EPHA8: variants seen among roughly 807,000 people sequenced by gnomAD.
EPHA8 encodes ephrin type-A receptor 8.
Under a neutral mutation model 103.6 loss-of-function variants are expected in EPHA8, and 58 were observed. That is an observed-to-expected ratio of 0.56 (90% CI 0.45 to 0.70). The LOEUF is 0.70. Among genes scored for constraint, EPHA8 ranks in the 30% least tolerant of loss-of-function variants. EPHA8 has a pLI of 0.00. For synonymous variants in EPHA8, 559 were observed against 572.5 expected (o/e 0.98, Z 0.34); for missense variants, 1,304 against 1,395.2 (o/e 0.93, Z 1.04).
rs201214107 is a variant in EPHA8, at chr1:22,569,329, C to T, written c.135C>T (p.Gly45=). 1.9e-6 allele frequency: 3 copies of T among 1,605,438 alleles called. No individual in the cohort carries two copies. Among genetic ancestry groups the T allele is most frequent in the Non-Finnish European group, 1.7e-6 (2 of 1,176,106 alleles). ...CGTCGACCATCCACGGGGACTGGGG[C>T]TGGCTCACGTATCCGGCTCATGGGG... is the stretch of plus-strand genomic sequence containing the variant. ...LDTSTIHGDW[G]WLTYPAHGWD... The change falls in exon 2 of 17, where the codon GGC becomes GGT. Residue 45 remains glycine (G), a synonymous_variant. Transcript: ENST00000166244. This position sits in a 1 kb window ranked among gnomAD's most constrained non-coding sequence, Gnocchi z 4.5.
Position 22,597,562 on chromosome 1 carries a change from G to C in EPHA8, c.1930+86G>C. ...AAGGTGGGGGCACCCAGGGCAGAGG[G>C]AGCGTGTGACCCAGGGGTCTGGCAA... is the stretch of plus-strand genomic sequence containing the variant. On this transcript the variant is annotated intron_variant, in intron 10 of 16. Transcript: ENST00000166244. This position sits in a 1 kb window ranked among gnomAD's most constrained non-coding sequence, Gnocchi z 4.6. The C allele has an allele frequency of 6.4e-7, 1 of 1,566,368 alleles. No individual in the cohort carries two copies.
At chr1:22,579,148 T>C (rs568372316) in intron 3 of EPHA8, among the ~76,000 whole-genome samples, 1 of 151,346 alleles carries the variant, frequency 6.6e-6, no homozygotes, top group South Asian at 2.1e-4. Context: ...TGTGCATATG[T>C]GCAAGAGTGT....
chr1:22,601,596 C>A (rs751884654), intron 16 of EPHA8, 31 bp from the exon 17 acceptor site: 1 of 1,581,140 alleles, frequency 6.3e-7, no homozygotes, highest in Middle Eastern at 1.7e-4. Flanking sequence ...CCTCCCAGGC[C>A]CAGCTGGCCA....
intron 3 of EPHA8, among the ~76,000 whole-genome samples, chr1:22,581,596 C>T (rs894683532): frequency 5.9e-5 from 9 of 152,176 alleles, no homozygotes; most frequent in Non-Finnish European, 8.8e-5. Flanking sequence ...TGAGTGGAAA[C>T]CCCAGGGCCT....
At chr1:22,578,791 ATGTGTGCG>A (rs1369462637) in intron 3 of EPHA8, among the ~76,000 whole-genome samples, 3 of 146,960 alleles carry the variant, frequency 2.0e-5, no homozygotes, top group Non-Finnish European at 1.5e-5. Flanking sequence ...GGGCATATGT[ATGTGTGCG>A]TGTGTGCATG....
rs764600240 is a variant in EPHA8 at position 22,580,127 on chromosome 1, CTTTTTTTTTTTTTT to C, written c.823+3261_823+3274del. 9.2e-5 allele frequency among the ~76,000 whole-genome samples: 9 copies of C among 97,428 alleles called. No individual in the cohort carries two copies. The East Asian group carries it at 1.0e-3, about 11-fold the overall frequency. 63.9% of individuals were successfully genotyped at this position (97,428 alleles called of 152,430 possible). A position where few individuals can be genotyped will look rare whatever the true frequency, so the allele number is the denominator to read the frequency against. On this transcript the variant is annotated intron_variant, in intron 3 of 16. Transcript: ENST00000166244. ...AGGCTCTCTGGTTTTCTTTCTTTCT[CTTTTTTTTTTTTTT>C]TTTTTTTTTTTTTGGAGACGGAGTT...
chr1:22,592,084 C>T (rs978075794), intron 5 of EPHA8, among the ~76,000 whole-genome samples: 1 of 152,124 alleles, frequency 6.6e-6, no homozygotes, highest in East Asian at 1.9e-4. Context: ...GAGGATCAAG[C>T]GACAGCTCTA....
In EPHA8 at chr1:22,602,978, A is replaced by G. The variant is rs1641782192; in HGVS notation, c.*1237A>G. ...TTACGGCCCACCAGGGTATGTAAAT[A>G]TCTCTTTTCTACCATGTCAGAATAT... On this transcript the variant is annotated 3_prime_UTR_variant, in exon 17 of 17. Coordinates refer to ENST00000166244, the MANE Select transcript of EPHA8 (RefSeq NM_020526.5). The G allele has an allele frequency of 6.6e-6, 1 of 152,452 alleles. No individual in the cohort carries two copies. Among genetic ancestry groups the G allele is most frequent in the Non-Finnish European group, 1.5e-5 (1 of 68,018 alleles). 9.4% of individuals were successfully genotyped at this position (152,452 alleles called of 1,614,324 possible).
chr1:22,586,533 T>A lies in EPHA8; in HGVS notation c.877T>A (p.Cys293Ser). The change falls in exon 4 of 17, where the codon TGC becomes AGC. Residue 293 changes from cysteine (C) to serine (S), a missense_variant. Physicochemically the swap from Cys to Ser is moderately radical, Grantham distance 112 (BLOSUM62 -1). Transcript: ENST00000166244. Reference sequence around the variant, plus strand: ...CCCTGGGGACCAGCTGTGTGCCCGCTGCCCTCCCCACAGCCACTCCGCAGC... The same window carrying A: ...CCCTGGGGACCAGCTGTGTGCCCGCAGCCCTCCCCACAGCCACTCCGCAGC... ...SAPGDQLCAR[C>S]PPHSHSAAPA... 6.2e-7 allele frequency: 1 copy of A among 1,613,716 alleles called. No individual in the cohort carries two copies. The highest frequency in any genetic ancestry group is 1.1e-5 in the South Asian group (1 of 91,048).
In EPHA8 at chr1:22,589,296, G is replaced by A. The variant is rs1183911524; in HGVS notation, c.1315+90G>A. The stretch of plus-strand genomic sequence containing the variant: ...CAGGGATCAGAGCTCTGCCGGGGAC[G>A]TGCTGTGGGCCTTTAGGCAAGTGCC... On this transcript the variant is annotated intron_variant, in intron 5 of 16. Coordinates refer to ENST00000166244, the MANE Select transcript of EPHA8 (RefSeq NM_020526.5). The surrounding 1 kb of genome is among the most constrained non-coding windows in gnomAD (Gnocchi z 4.3). 11 of 1,612,838 alleles carry A rather than the reference G, an allele frequency of 6.8e-6. No individual in the cohort carries two copies. Among genetic ancestry groups the A allele is most frequent in the East Asian group, 4.5e-5 (2 of 44,880 alleles).
intron 5 of EPHA8, among the ~76,000 whole-genome samples, chr1:22,590,863 C>G (rs1035863908): frequency 2.6e-5 from 4 of 152,140 alleles, no homozygotes; most frequent in African/African-American, 9.7e-5. Context: ...AACAAACAAC[C>G]CTGCCACACC....
intron 3 of EPHA8, among the ~76,000 whole-genome samples, chr1:22,579,040 T>C (rs1282163680): frequency 6.9e-6 from 1 of 144,798 alleles, no homozygotes; most frequent in Non-Finnish European, 1.5e-5. Context: ...TGTATGCATG[T>C]GTGTGCATTT....
chr1:22,578,885 G>A (rs10917256), intron 3 of EPHA8, among the ~76,000 whole-genome samples: 38 of 149,748 alleles, frequency 2.5e-4, no homozygotes, highest in African/African-American at 7.7e-4. Context: ...CCGTGTGTCC[G>A]TGTGTGCATG....
intron 1 of EPHA8, among the ~76,000 whole-genome samples, chr1:22,564,506 G>A (rs916717746): frequency 2.0e-5 from 3 of 151,980 alleles, no homozygotes; most frequent in Non-Finnish European, 4.4e-5. Context: ...GTCAGAGAAG[G>A]CTGGGATGGC....
chr1:22,579,029 ATG>A (rs1479702376), intron 3 of EPHA8, among the ~76,000 whole-genome samples: 20 of 137,756 alleles, frequency 1.5e-4, no homozygotes, highest in African/African-American at 5.1e-4. Context: ...GTGCAAGAGT[ATG>A]TATGCATGTG....
chr1:22,589,092 AAC>A lies in EPHA8; in HGVS notation c.1202_1203del (p.Asn401ThrfsTer73), dbSNP rs770985754. The A allele has an allele frequency of 6.2e-7, 1 of 1,613,640 alleles. No homozygotes were observed. The highest frequency in any genetic ancestry group is 8.5e-7 in the Non-Finnish European group (1 of 1,179,866). ...SLVQASLLVA[N>X]LLAHMNYSFW... ...GGTGCAGGCCAGCCTGCTGGTGGCC[AAC>A]CTGCTGGCCCACATGAACTACTCCT... On this transcript the variant is annotated frameshift_variant, in exon 5 of 17. Coordinates refer to ENST00000166244, the MANE Select transcript of EPHA8 (RefSeq NM_020526.5). LOFTEE classifies it high-confidence loss of function. The surrounding 1 kb of genome is among the most constrained non-coding windows in gnomAD (Gnocchi z 4.3).
chr1:22,581,843 G>A (rs770888518), intron 3 of EPHA8, among the ~76,000 whole-genome samples: 38 of 152,290 alleles, frequency 2.5e-4, no homozygotes, highest in Admixed American at 8.5e-4. Flanking sequence ...ATTTGGGAAC[G>A]GAAAGCCCGT....
At position 22,601,770 on chromosome 1, in the gene EPHA8, C is replaced by A. The variant is rs776008870; in HGVS notation, c.*29C>A. On this transcript the variant is annotated 3_prime_UTR_variant, in exon 17 of 17. Coordinates refer to ENST00000166244, the MANE Select transcript of EPHA8 (RefSeq NM_020526.5). The stretch of plus-strand genomic sequence containing the variant: ...ACAGCCAGCAGGGCCCAGGCAGCCA[C>A]CAAGCCCACCCCAGGTCATGCCAGC... 6 of 1,543,458 alleles carry A rather than the reference C, an allele frequency of 3.9e-6. No individual in the cohort carries two copies. Among genetic ancestry groups the A allele is most frequent in the Middle Eastern group, 2.0e-4 (1 of 5,080 alleles).
In EPHA8 at chr1:22,601,657, GGGCCACCAGAA is replaced by G; in HGVS notation, c.2936_2946del (p.Gly979GlufsTer47). 6.3e-7 allele frequency: 1 copy of G among 1,595,780 alleles called. No individual in the cohort carries two copies. The highest frequency in any genetic ancestry group is 8.5e-7 in the Non-Finnish European group (1 of 1,171,354). ...TGCGCGCCCTGGGCATCACCCTCATGGGCCACCAGAAGAAGATCCTGGGCAGCATTCAGACC... is the reference window on the plus strand; with the variant it reads ...TGCGCGCCCTGGGCATCACCCTCATGGAAGATCCTGGGCAGCATTCAGACC... On this transcript the variant is annotated frameshift_variant, in exon 17 of 17. Transcript: ENST00000166244. LOFTEE classifies it high-confidence loss of function.
Sources: allele counts gnomAD v4.1 joint callset (sites outside exome capture counted in the v4.1 genomes callset), GRCh38; gene constraint gnomAD v4.1.1; non-coding constraint Gnocchi (gnomAD v3.1); transcripts MANE v1.5; gene names NCBI Gene and HGNC (gene_info 2026-07-23, HGNC 2026-07-21).